The following HIF1AN variants were observed in gnomAD, a reference collection of about 807,000 sequenced individuals.
HIF1AN encodes the protein hypoxia-inducible factor 1-alpha inhibitor.
A neutral mutation model predicts 47.7 loss-of-function variants in HIF1AN; 21 were observed. The observed-to-expected ratio is 0.44, with a 90% confidence interval of 0.31 to 0.63. The LOEUF is 0.63. Ranked by LOEUF, HIF1AN falls within the 30% of genes least tolerant of loss-of-function variation. The pLI is 0.07. For synonymous variants in HIF1AN, 152 were observed against 155.9 expected (o/e 0.98, Z 0.18); for missense variants, 320 against 432.7 (o/e 0.74, Z 2.31).
At position 100,536,687 on chromosome 10, in the gene HIF1AN, G is replaced by A. The variant is rs1214044009; in HGVS notation, c.428+26G>A. 8 of 1,612,630 alleles carry A rather than the reference G, an allele frequency of 5.0e-6. No individual in the cohort carries two copies. The East Asian group carries it at 1.6e-4, about 31-fold the overall frequency. On this transcript the variant is annotated intron_variant, in intron 2 of 7. Transcript: ENST00000299163. ...GTAAATTCCGAAAGCTTAATTTTCT[G>A]TTGGATTTAGGACACTCATTTTTCT... is the stretch of plus-strand genomic sequence containing the variant.
chr10:100,543,172 C>G (rs959028265), intron 3 of HIF1AN, among the ~76,000 whole-genome samples: 1 of 150,492 alleles, frequency 6.6e-6, no homozygotes, highest in Non-Finnish European at 1.5e-5. Flanking sequence ...TTGATACCAC[C>G]TGCCTCTTTT....
chr10:100,538,818 CAAA>C (rs537239935), intron 2 of HIF1AN, among the ~76,000 whole-genome samples: 4 of 68,368 alleles, frequency 5.9e-5, no homozygotes, highest in Admixed American at 1.7e-4. Context: ...GACTCCGTCT[CAAA>C]AAAAAAAAAA....
At chr10:100,541,548 T>G (rs1456910609) in intron 3 of HIF1AN, among the ~76,000 whole-genome samples, 2 of 152,270 alleles carry the variant, frequency 1.3e-5, no homozygotes, top group East Asian at 3.9e-4. Context: ...TTGCCTAGGC[T>G]GGAGTGCAGT....
intron 6 of HIF1AN, 104 bp from the exon 7 acceptor site, chr10:100,547,036 G>T: frequency 1.2e-6 from 1 of 827,964 alleles, no homozygotes; most frequent in Non-Finnish European, 1.9e-6. Flanking sequence ...CACCGTGCCC[G>T]GCAAGAATTG....
In HIF1AN at chr10:100,536,093, G is replaced by C. The variant is rs1274263524; in HGVS notation, c.135G>C (p.Leu45=). 1.9e-6 allele frequency: 3 copies of C among 1,609,886 alleles called. No individual in the cohort carries two copies. The Admixed American group carries it at 5.0e-5, about 27-fold the overall frequency. ...YSFPTRPIPR[L]SQSDPRAEEL... is the part of the protein sequence containing the mutation. ...TCCCGACTAGGCCCATTCCGCGTCT[G>C]AGTCAGAGCGACCCCCGGGCAGAGG... Residue 45 remains leucine (L), a synonymous_variant, in exon 1 of 8, where the codon CTG becomes CTC. Transcript: ENST00000299163.
rs747855784 is a variant in HIF1AN at position 100,554,737 on chromosome 10, C to T, written c.*6600C>T. The T allele has an allele frequency of 5.4e-5, 8 of 148,702 alleles. No individual in the cohort carries two copies. The highest frequency in any genetic ancestry group is 1.2e-4 in the African/African-American group (5 of 40,024). The allele number at this position is 148,702 out of a possible 1,614,324, so 9.2% of individuals were successfully genotyped here. A position where few individuals can be genotyped will look rare whatever the true frequency, so the allele number is the denominator to read the frequency against. Reference sequence around the variant, plus strand: ...AGGAGAATCACTTGAACCTGGGAGGCGGAGGTTGCAGTGAGCTGAGATCAC... The same window carrying T: ...AGGAGAATCACTTGAACCTGGGAGGTGGAGGTTGCAGTGAGCTGAGATCAC... On this transcript the variant is annotated 3_prime_UTR_variant, in exon 8 of 8. Coordinates refer to ENST00000299163, the MANE Select transcript of HIF1AN (RefSeq NM_017902.3).
intron 3 of HIF1AN, among the ~76,000 whole-genome samples, chr10:100,544,223 C>T (rs1843073272): frequency 6.6e-6 from 1 of 152,222 alleles, no homozygotes; most frequent in African/African-American, 2.4e-5. Flanking sequence ...CTTCAGTCAT[C>T]TGATATTCTT....
chr10:100,537,894 T>G (rs1453662687), intron 2 of HIF1AN, among the ~76,000 whole-genome samples: 1 of 152,234 alleles, frequency 6.6e-6, no homozygotes, highest in African/African-American at 2.4e-5. Flanking sequence ...TTCCAAGATA[T>G]GAACTGTGGT....
chr10:100,542,655 A>G (rs931514414), intron 3 of HIF1AN, among the ~76,000 whole-genome samples: 1 of 151,936 alleles, frequency 6.6e-6, no homozygotes, highest in Non-Finnish European at 1.5e-5. Context: ...GCGCCTGGCA[A>G]ATTCAACTTT....
intron 2 of HIF1AN, among the ~76,000 whole-genome samples, chr10:100,539,618 A>G (rs192989782): frequency 6.6e-6 from 1 of 152,336 alleles, no homozygotes; most frequent in Non-Finnish European, 1.5e-5. Context: ...CCCAGCAGCT[A>G]CTATCTAGAA....
chr10:100,547,493 C>G (rs1843105429), intron 7 of HIF1AN, among the ~76,000 whole-genome samples: 1 of 152,226 alleles, frequency 6.6e-6, no homozygotes, highest in Non-Finnish European at 1.5e-5. Context: ...ATCTGGGGAC[C>G]CCCTGAGGGG....
At chr10:100,547,356 C>A in intron 7 of HIF1AN, 106 bp downstream of exon 7, 1 of 716,070 alleles carries the variant, frequency 1.4e-6, no homozygotes, top group Non-Finnish European at 2.5e-6. Flanking sequence ...GGTGTCCTCT[C>A]TCTCCATAGA....
chr10:100,545,837 T>G, intron 4 of HIF1AN, 106 bp from the exon 5 acceptor site: 1 of 747,076 alleles, frequency 1.3e-6, no homozygotes, highest in Non-Finnish European at 2.3e-6. Flanking sequence ...AGGCATCGTT[T>G]TTTTTTTGTT....
chr10:100,540,703 C>T lies in HIF1AN; in HGVS notation c.498C>T (p.Asn166=), dbSNP rs1332727374. 1.9e-6 allele frequency: 3 copies of T among 1,613,792 alleles called. No homozygotes were observed. The East Asian group carries it at 6.7e-5, about 36-fold the overall frequency. ...RKIVMDFLGF[N]WNWINKQQGK... The stretch of plus-strand genomic sequence containing the variant: ...TTGTCATGGACTTCTTAGGTTTTAA[C>T]TGGAACTGGATTAATAAGCAACAGG... Residue 166 remains asparagine (N), a synonymous_variant, in exon 3 of 8, where the codon AAC becomes AAT. Transcript: ENST00000299163.
At position 100,546,533 on chromosome 10, in the gene HIF1AN, G is replaced by A; in HGVS notation, c.846G>A (p.Glu282=). ...TTTCTTGCAGGTGGCATCACATAGA[G>A]TCATTACTAAATGGGGGGATTACCA... ...YIPMYWWHHI[E]SLLNGGITIT... is the part of the protein sequence containing the mutation. The change falls in exon 6 of 8, where the codon GAG becomes GAA. Residue 282 remains glutamate, a synonymous_variant. Coordinates refer to ENST00000299163, the MANE Select transcript of HIF1AN (RefSeq NM_017902.3). 1 of 1,611,474 alleles carries A rather than the reference G, an allele frequency of 6.2e-7. No homozygotes were observed. The highest frequency in any genetic ancestry group is 8.5e-7 in the Non-Finnish European group (1 of 1,179,476).
chr10:100,539,103 T>A (rs1842991672), intron 2 of HIF1AN, among the ~76,000 whole-genome samples: 1 of 151,966 alleles, frequency 6.6e-6, no homozygotes, highest in African/African-American at 2.4e-5. Context: ...AATAACCAAT[T>A]TATTTATTTA....
rs1843147649 is a variant in HIF1AN at position 100,550,566 on chromosome 10, G to A, written c.*2429G>A. ...TCTGTCCTCAAGATATCACCCCACT[G>A]GGCAGTATCTGAAGGCAGACCCAGC... On this transcript the variant is annotated 3_prime_UTR_variant, in exon 8 of 8. Transcript: ENST00000299163. 1 of 152,172 alleles carries A rather than the reference G, an allele frequency of 6.6e-6. No homozygotes were observed. The highest frequency in any genetic ancestry group is 1.5e-5 in the Non-Finnish European group (1 of 68,052). 9.4% of individuals were successfully genotyped at this position (152,172 alleles called of 1,614,324 possible). A position where few individuals can be genotyped will look rare whatever the true frequency, so the allele number is the denominator to read the frequency against.
Position 100,559,586 on chromosome 10 carries a change from T to A in HIF1AN, c.*11449T>A, listed in dbSNP as rs1843241336. 6.6e-6 allele frequency: 1 copy of A among 152,116 alleles called. No homozygotes were observed. The highest frequency in any genetic ancestry group is 1.5e-5 in the Non-Finnish European group (1 of 68,022). The allele number at this position is 152,116 out of a possible 1,614,324, so 9.4% of individuals were successfully genotyped here. A position where few individuals can be genotyped will look rare whatever the true frequency, so the allele number is the denominator to read the frequency against. On this transcript the variant is annotated 3_prime_UTR_variant, in exon 8 of 8. Coordinates refer to ENST00000299163, the MANE Select transcript of HIF1AN (RefSeq NM_017902.3). ...GGCACATGCCACCACACCTGGCTAATTTTTTATTTTTTGTAGAGACAGGGG... is the reference window on the plus strand; with the variant it reads ...GGCACATGCCACCACACCTGGCTAAATTTTTATTTTTTGTAGAGACAGGGG...
Position 100,548,248 on chromosome 10 carries a change from C to A in HIF1AN, c.*111C>A. On this transcript the variant is annotated 3_prime_UTR_variant, in exon 8 of 8. Transcript: ENST00000299163. The stretch of plus-strand genomic sequence containing the variant: ...AGTATTGCACGCTGCACTTAATGGA[C>A]TGGACTCTTGCCATGGCCCAGGAGT... The A allele has an allele frequency of 1.1e-6, 1 of 934,982 alleles. No individual in the cohort carries two copies. Among genetic ancestry groups the A allele is most frequent in the Non-Finnish European group, 1.6e-6 (1 of 641,238 alleles). 57.9% of individuals were successfully genotyped at this position (934,982 alleles called of 1,614,324 possible).
Sources: gnomAD v4.1 joint callset for allele counts (sites outside exome capture counted in the v4.1 genomes callset) on GRCh38, gnomAD v4.1.1 for gene constraint, MANE v1.5 for transcripts, NCBI Gene and HGNC (gene_info 2026-07-23, HGNC 2026-07-21) for gene names.